The following XIRP2 variants were observed in gnomAD, a reference collection of about 807,000 sequenced individuals.
XIRP2 encodes xin actin binding repeat containing 2, also known as xin actin-binding repeat-containing protein 2.
A neutral mutation model predicts 277.0 loss-of-function variants in XIRP2; 236 were observed. The ratio of observed to expected loss-of-function variants is 0.85; its 90% CI spans 0.77 to 0.95. The LOEUF (loss-of-function observed/expected upper bound fraction) is 0.95, where lower values mean the gene tolerates loss of function less well. Ranked by LOEUF, XIRP2 falls within the 40% of genes least tolerant of loss-of-function variation. The pLI is 0.00. For synonymous variants in XIRP2, 1,490 were observed against 1,416.5 expected (o/e 1.05, Z -1.17); for missense variants, 4,640 against 4,157.5 (o/e 1.12, Z -3.19).
chr2:167,058,583 A>C (rs1477139604), intron 2 of XIRP2, among the ~76,000 whole-genome samples: 1 of 152,096 alleles, frequency 6.6e-6, no homozygotes, highest in Non-Finnish European at 1.5e-5. Flanking sequence ...CCTTCCTCTC[A>C]GTTGGTATCT....
At chr2:166,957,274 G>A (rs1302531586) in intron 2 of XIRP2, among the ~76,000 whole-genome samples, 3 of 151,592 alleles carry the variant, frequency 2.0e-5, no homozygotes, top group Non-Finnish European at 3.0e-5. Context: ...AAAAATGTAG[G>A]AAATGCCACT....
At chr2:167,168,671 G>A (rs1692592466) in intron 3 of XIRP2, among the ~76,000 whole-genome samples, 1 of 152,204 alleles carries the variant, frequency 6.6e-6, no homozygotes, top group Non-Finnish European at 1.5e-5. Flanking sequence ...CTGGAGGGCA[G>A]TGGCATGATC....
intron 2 of XIRP2, among the ~76,000 whole-genome samples, chr2:167,077,773 C>T (rs1689611823): frequency 6.6e-6 from 1 of 152,030 alleles, no homozygotes; most frequent in Non-Finnish European, 1.5e-5. Context: ...TGGCTTTTAC[C>T]CAGAGTGACA....
Position 167,250,417 on chromosome 2 carries a change from A to G in XIRP2, c.9025A>G (p.Lys3009Glu). The change falls in exon 9 of 11, where the codon AAA (lysine) becomes GAA (glutamate). Residue 3009 changes from lysine to glutamate, a missense_variant. Physicochemically the swap from Lys to Glu is moderately conservative, Grantham distance 56. Coordinates refer to ENST00000409195, the MANE Select transcript of XIRP2 (RefSeq NM_152381.6). The part of the protein sequence containing the change: ...IAMENNLEKV[K>E]EEITHIKTQA... The stretch of plus-strand genomic sequence containing the variant: ...CATGGAGAATAATTTAGAAAAAGTA[A>G]AAGAAGAAATAACACATATTAAAAC... 1 of 1,613,478 alleles carries G rather than the reference A, an allele frequency of 6.2e-7. No homozygotes were observed. The highest frequency in any genetic ancestry group is 8.5e-7 in the Non-Finnish European group (1 of 1,179,690).
At chr2:166,945,306 T>G (rs144553406) in intron 2 of XIRP2, among the ~76,000 whole-genome samples, 5 of 152,192 alleles carry the variant, frequency 3.3e-5, no homozygotes, top group African/African-American at 1.2e-4. Flanking sequence ...ATAGTGAATG[T>G]TAAAGCATAA....
Position 167,245,580 on chromosome 2 carries a change from G to C in XIRP2, c.4188G>C (p.Leu1396=). The C allele has an allele frequency of 1.9e-6, 3 of 1,613,626 alleles. No individual in the cohort carries two copies. The highest frequency in any genetic ancestry group is 3.3e-4 in the Middle Eastern group (2 of 6,060). ...SVRYRFETQP[L]DQISEESHNI... is the part of the protein sequence containing the mutation. ...GATACAGATTTGAAACTCAGCCACT[G>C]GATCAGATTTCTGAAGAATCACATA... The change falls in exon 9 of 11, where the codon CTG becomes CTC. Residue 1396 remains leucine (L), a synonymous_variant. Transcript: ENST00000409195.
chr2:167,234,931 A>T (rs1482319649), intron 5 of XIRP2, among the ~76,000 whole-genome samples: 3 of 151,926 alleles, frequency 2.0e-5, no homozygotes, highest in African/African-American at 7.2e-5. Flanking sequence ...CAACATGTCA[A>T]ATCCATTAAC....
chr2:167,240,502 C>T (rs1329580289), intron 6 of XIRP2, among the ~76,000 whole-genome samples, 162 bp from the exon 7 acceptor site: 3 of 152,116 alleles, frequency 2.0e-5, no homozygotes, highest in East Asian at 1.9e-4. Flanking sequence ...CTTTTATAAG[C>T]GAATCTATGT....
rs745873576 is a variant in XIRP2, at chr2:167,250,827, TA to T, written c.9440del (p.Lys3147ArgfsTer62). The T allele has an allele frequency of 1.2e-6, 2 of 1,613,168 alleles. No homozygotes were observed. Among genetic ancestry groups the T allele is most frequent in the Admixed American group, 1.7e-5 (1 of 59,930 alleles). On this transcript the variant is annotated frameshift_variant, in exon 9 of 11. Transcript: ENST00000409195. LOFTEE classifies it high-confidence loss of function. The stretch of plus-strand genomic sequence containing the variant: ...CTAAGAACGAGCTTTCTCAGTCCCC[TA>T]AAAAGGACAGTTATGTTGAACCCCC... ...PTKNELSQSP[K>X]KDSYVEPPPR...
intron 3 of XIRP2, among the ~76,000 whole-genome samples, chr2:167,159,076 C>T (rs368086281): frequency 1.3e-5 from 2 of 152,108 alleles, no homozygotes; most frequent in Non-Finnish European, 1.5e-5. Context: ...CATGGCCCAC[C>T]GGATGGTGGA....
At chr2:167,125,108 T>G (rs540925867) in intron 2 of XIRP2, among the ~76,000 whole-genome samples, 1 of 152,310 alleles carries the variant, frequency 6.6e-6, no homozygotes, top group African/African-American at 2.4e-5. Context: ...TAAAGTGATG[T>G]GTGCAGTAGA....
At chr2:167,241,264 C>G (rs1461426299) in intron 7 of XIRP2, among the ~76,000 whole-genome samples, 1 of 152,014 alleles carries the variant, frequency 6.6e-6, no homozygotes, top group African/African-American at 2.4e-5. Context: ...CCAACTGTGA[C>G]CGAAACTTTA....
intron 3 of XIRP2, chr2:167,184,596 T>A (rs998755466): frequency 7.0e-6 from 5 of 717,382 alleles, no homozygotes; most frequent in Admixed American, 2.0e-5. Flanking sequence ...CATCCAAAAT[T>A]GACAAAGACC....
chr2:166,940,325 G>A (rs1244605292), intron 2 of XIRP2, among the ~76,000 whole-genome samples: 2 of 152,074 alleles, frequency 1.3e-5, no homozygotes, highest in Non-Finnish European at 2.9e-5. Context: ...CTCTTCACTG[G>A]TTATTCTAGT....
At chr2:167,040,177 A>G (rs1688624734) in intron 2 of XIRP2, among the ~76,000 whole-genome samples, 1 of 151,778 alleles carries the variant, frequency 6.6e-6, no homozygotes, top group South Asian at 2.1e-4. Context: ...GAGGGAGCCA[A>G]GATGGCCAAC....
At chr2:166,949,016 C>G (rs1685957603) in intron 2 of XIRP2, among the ~76,000 whole-genome samples, 1 of 151,694 alleles carries the variant, frequency 6.6e-6, no homozygotes, top group Admixed American at 6.6e-5. Context: ...TTTTTTTTCT[C>G]TCTAAATGTT....
chr2:167,018,478 G>GA (rs927642176), intron 2 of XIRP2, among the ~76,000 whole-genome samples: 5 of 152,004 alleles, frequency 3.3e-5, no homozygotes, highest in South Asian at 4.1e-4. Flanking sequence ...TTTAGTCCAT[G>GA]ATAAGAAACC....
chr2:166,904,206 C>G (rs1684460099), intron 2 of XIRP2, among the ~76,000 whole-genome samples: 1 of 152,074 alleles, frequency 6.6e-6, no homozygotes, highest in Non-Finnish European at 1.5e-5. Flanking sequence ...AATTTCTAAC[C>G]ACTCTTTGTG....
At chr2:167,152,659 C>T (rs1035157808) in intron 3 of XIRP2, among the ~76,000 whole-genome samples, 2 of 151,880 alleles carry the variant, frequency 1.3e-5, no homozygotes. Flanking sequence ...ACTTGAAGAA[C>T]AAGAAGATAG....
Sources: allele counts gnomAD v4.1 joint callset (sites outside exome capture counted in the v4.1 genomes callset), GRCh38; gene constraint gnomAD v4.1.1; transcripts MANE v1.5; gene names NCBI Gene and HGNC (gene_info 2026-07-23, HGNC 2026-07-21).